The following ANKRD10 variants were observed in gnomAD, a reference collection of about 807,000 sequenced individuals.
The protein encoded by ANKRD10 is ankyrin repeat domain-containing protein 10.
A neutral mutation model predicts 27.0 loss-of-function variants in ANKRD10; 14 were observed. That is an observed-to-expected ratio of 0.52 (90% confidence interval 0.34 to 0.81). The LOEUF is 0.81. Ranked by LOEUF, ANKRD10 falls within the 40% of genes least tolerant of loss-of-function variation. ANKRD10 has a pLI of 0.01. For missense variants in ANKRD10, 493 were observed against 544.0 expected, an observed-to-expected ratio of 0.91 and a Z score of 0.93; for synonymous variants, 250 against 224.5, an observed-to-expected ratio of 1.11 and a Z score of -1.01.
At chr13:110,911,347 G>C (rs1360774451) in intron 1 of ANKRD10, among the ~76,000 whole-genome samples, 1 of 152,042 alleles carries the variant, frequency 6.6e-6, no homozygotes, top group African/African-American at 2.4e-5. Context: ...AGCTACTTGG[G>C]AGGCTGAGGC....
In ANKRD10 at chr13:110,909,647, C is replaced by T. The variant is rs115118893; in HGVS notation, c.363+971G>A. Among the ~76,000 whole-genome samples, 1,509 of 152,278 alleles carry T rather than the reference C, an allele frequency of 9.9e-3. 21 individuals are homozygous for T. Among genetic ancestry groups the T allele is most frequent in the African/African-American group, 0.033 (1,357 of 41,534 alleles). ...GGGACAAACTGCCTTATAACTTACC[C>T]CACTTTCCCATTGATCCTTGTTTTA... On this transcript the variant is annotated intron_variant, in intron 2 of 5. Transcript: ENST00000267339.
In ANKRD10 at chr13:110,879,965, C is replaced by A. The variant is rs2064780498; in HGVS notation, c.935G>T (p.Gly312Val). 2 of 1,614,202 alleles carry A rather than the reference C, an allele frequency of 1.2e-6. No homozygotes were observed. Among genetic ancestry groups the A allele is most frequent in the Non-Finnish European group, 1.7e-6 (2 of 1,180,040 alleles). ...CGGAAACGGCTGTCCTGGGGCTAAT[C>A]CACTGCTAATTCCGTTAGTTCCTGT... ...CLTGTNGISS[G>V]LAPGQPFPSS... is the part of the protein sequence containing the mutation. Residue 312 changes from glycine to valine, a missense_variant, in exon 6 of 6, where the codon GGA (glycine) becomes GTA (valine). Coordinates refer to ENST00000267339, the MANE Select transcript of ANKRD10 (RefSeq NM_017664.4).
intron 5 of ANKRD10, among the ~76,000 whole-genome samples, chr13:110,881,857 G>T (rs2064825209): frequency 2.0e-5 from 3 of 152,140 alleles, no homozygotes; most frequent in Admixed American, 2.0e-4. Context: ...TTGTTACAGA[G>T]AATCTAATAA....
At chr13:110,892,239 C>T (rs1319615220) in intron 4 of ANKRD10, among the ~76,000 whole-genome samples, 2 of 149,844 alleles carry the variant, frequency 1.3e-5, no homozygotes, top group African/African-American at 4.9e-5. Context: ...CAAGACCAGC[C>T]TGGCCAACAT....
In ANKRD10 at chr13:110,883,842, T is replaced by C. The variant is rs1353974479; in HGVS notation, c.692-49A>G. 4.4e-6 allele frequency: 7 copies of C among 1,600,786 alleles called. No homozygotes were observed. The Admixed American group carries it at 6.8e-5, about 16-fold the overall frequency. On this transcript the variant is annotated intron_variant, in intron 4 of 5. Transcript: ENST00000267339. The stretch of plus-strand genomic sequence containing the variant: ...TCAGATTCCTTTGTCTGTAACAAGA[T>C]AAGTGTTCAGACACACAGTTTACAT...
intron 5 of ANKRD10, chr13:110,883,225 G>A (rs1433181626): frequency 1.3e-5 from 2 of 152,622 alleles, no homozygotes; most frequent in African/African-American, 4.8e-5. Flanking sequence ...TAGTTTCTCA[G>A]TGTTTACTGC....
chr13:110,912,356 C>T (rs1321624157), intron 1 of ANKRD10, among the ~76,000 whole-genome samples: 2 of 152,216 alleles, frequency 1.3e-5, no homozygotes, highest in East Asian at 1.9e-4. Flanking sequence ...GAAGAGTACA[C>T]AGATTCAAAA....
chr13:110,893,656 T>C (rs1296824170), intron 3 of ANKRD10, among the ~76,000 whole-genome samples: 1 of 152,198 alleles, frequency 6.6e-6, no homozygotes, highest in Non-Finnish European at 1.5e-5. Context: ...CAACATGTAC[T>C]GAGATTGTCC....
In ANKRD10 at chr13:110,879,837, T is replaced by C. The variant is rs1261807610; in HGVS notation, c.1063A>G (p.Ser355Gly). The C allele has an allele frequency of 1.2e-6, 2 of 1,614,144 alleles. No homozygotes were observed. The highest frequency in any genetic ancestry group is 1.7e-6 in the Non-Finnish European group (2 of 1,180,060). The change falls in exon 6 of 6, where the codon AGT (serine) becomes GGT (glycine). Residue 355 changes from serine to glycine, a missense_variant. Ser to Gly is a moderately conservative substitution (Grantham distance 56). Transcript: ENST00000267339. ...GAAGGCCTACTGGCTATGCAGCTACTTGGACTCCCGTTCAGGTGCAGAGAA... is the reference window on the plus strand; with the variant it reads ...GAAGGCCTACTGGCTATGCAGCTACCTGGACTCCCGTTCAGGTGCAGAGAA... ...CGSLHLNGSP[S>G]SCIASRPSWV...
At chr13:110,913,972 G>C (rs537773931) in intron 1 of ANKRD10, among the ~76,000 whole-genome samples, 1 of 152,324 alleles carries the variant, frequency 6.6e-6, no homozygotes, top group South Asian at 2.1e-4. Context: ...AAAAAGAGGG[G>C]AACGTAAAGC....
At position 110,878,556 on chromosome 13, in the gene ANKRD10, T is replaced by C. The variant is rs1015644871; in HGVS notation, c.*1081A>G. ...GGGACACACTGAGTGTGAGAGTTTTTTATTCAATTTGTGAAGGACAGTTTT... is the reference window on the plus strand; with the variant it reads ...GGGACACACTGAGTGTGAGAGTTTTCTATTCAATTTGTGAAGGACAGTTTT... On this transcript the variant is annotated 3_prime_UTR_variant, in exon 6 of 6. Transcript: ENST00000267339. 6 of 152,272 alleles carry C rather than the reference T, an allele frequency of 3.9e-5. No homozygotes were observed. Among genetic ancestry groups the C allele is most frequent in the Non-Finnish European group, 7.3e-5 (5 of 68,034 alleles). The allele number at this position is 152,272 out of a possible 1,614,324, so 9.4% of individuals were successfully genotyped here.
chr13:110,914,673 G>A (rs543258916), intron 1 of ANKRD10, 52 bp downstream of exon 1: 7 of 1,516,582 alleles, frequency 4.6e-6, no homozygotes, highest in East Asian at 2.5e-5. Flanking sequence ...CGCTTTCCCC[G>A]ACTCCCACTG....
intron 3 of ANKRD10, among the ~76,000 whole-genome samples, chr13:110,902,415 T>C (rs1206672534): frequency 6.6e-6 from 1 of 152,130 alleles, no homozygotes; most frequent in Non-Finnish European, 1.5e-5. Flanking sequence ...CTAAGACAAT[T>C]CCATTTTAAT....
At chr13:110,905,545 T>G (rs991030691) in intron 3 of ANKRD10, among the ~76,000 whole-genome samples, 1 of 152,246 alleles carries the variant, frequency 6.6e-6, no homozygotes, top group Non-Finnish European at 1.5e-5. Flanking sequence ...CAATGGGCTT[T>G]AAAACATAAC....
intron 1 of ANKRD10, chr13:110,914,439 T>A: frequency 3.8e-6 from 1 of 266,096 alleles, no homozygotes; most frequent in Non-Finnish European, 6.9e-6. Context: ...GAGCCCGCCT[T>A]GTTAGAAACT....
rs2065033462 is a variant in ANKRD10 at position 110,890,000 on chromosome 13, TACTC to T, written c.691+3024_691+3027del. On this transcript the variant is annotated intron_variant, in intron 4 of 5. Coordinates refer to ENST00000267339, the MANE Select transcript of ANKRD10 (RefSeq NM_017664.4). ...TTCTAAATATTTTTATATGTGAAGT[TACTC>T]AAAGTATTTTATATACATGTGTTAA... Among the ~76,000 whole-genome samples the T allele has an allele frequency of 3.9e-5, 6 of 152,180 alleles. No homozygotes were observed. In the South Asian group the frequency reaches 1.0e-3, roughly 26 times the overall value.
intron 1 of ANKRD10, among the ~76,000 whole-genome samples, chr13:110,913,180 C>T (rs1194959647): frequency 2.6e-5 from 4 of 152,332 alleles, no homozygotes; most frequent in East Asian, 1.9e-4. Context: ...AAGCATTCTA[C>T]AGATCGTTGT....
chr13:110,910,441 C>T (rs2065662272), intron 2 of ANKRD10, among the ~76,000 whole-genome samples, 177 bp downstream of exon 2: 1 of 152,194 alleles, frequency 6.6e-6, no homozygotes, highest in African/African-American at 2.4e-5. Flanking sequence ...AGAAAGCATT[C>T]CTATGGAAAG....
chr13:110,896,884 C>T (rs978992977), intron 3 of ANKRD10, among the ~76,000 whole-genome samples: 7 of 152,062 alleles, frequency 4.6e-5, no homozygotes, highest in African/African-American at 1.7e-4. Context: ...AGGCAGCAGG[C>T]CAGAACTGCT....
Sources: gnomAD v4.1 joint callset for allele counts (sites outside exome capture counted in the v4.1 genomes callset) on GRCh38, gnomAD v4.1.1 for gene constraint, MANE v1.5 for transcripts, NCBI Gene and HGNC (gene_info 2026-07-23, HGNC 2026-07-21) for gene names.